Variants in FGF12 observed in about 807,000 individuals in gnomAD.
FGF12 encodes fibroblast growth factor 12B.
FGF12 carries 14 observed loss-of-function variants against 23.6 expected under a neutral mutation model. The ratio of observed to expected loss-of-function variants is 0.59; its 90% CI spans 0.39 to 0.93. The LOEUF (loss-of-function observed/expected upper bound fraction) is 0.93, where lower values mean the gene tolerates loss of function less well. Among genes scored for constraint, FGF12 ranks in the 40% least tolerant of loss-of-function variants. The pLI is 0.00. For missense variants in FGF12, 175 were observed against 217.8 expected (o/e 0.80, Z 1.24); for synonymous variants, 62 against 77.3 (o/e 0.80, Z 1.04).
At chr3:192,647,300 T>C (rs1372482352) in intron 2 of FGF12, among the ~76,000 whole-genome samples, 1 of 152,062 alleles carries the variant, frequency 6.6e-6, no homozygotes, top group Non-Finnish European at 1.5e-5. Context: ...AGGTTTTGGG[T>C]TCTATCTCAC....
chr3:192,485,980 T>C (rs1186313085), intron 2 of FGF12, among the ~76,000 whole-genome samples: 1 of 152,178 alleles, frequency 6.6e-6, no homozygotes, highest in East Asian at 1.9e-4. Context: ...TATACGTGCA[T>C]ATATAATACG....
chr3:192,373,286 A>ATTT (rs10662970), intron 2 of FGF12, among the ~76,000 whole-genome samples: 77 of 141,592 alleles, frequency 5.4e-4, no homozygotes, highest in South Asian at 1.4e-3. Context: ...GGAAGCAAAC[A>ATTT]TTTTTTTTTT....
intron 5 of FGF12, among the ~76,000 whole-genome samples, chr3:192,158,413 TTCTC>T (rs1385431512): frequency 5.7e-4 from 4 of 7,030 alleles, no homozygotes; most frequent in East Asian, 0.015. Flanking sequence ...TTTTCTTTCT[TTCTC>T]TTTCTTTTTC....
At chr3:192,236,709 T>C (rs561418998) in intron 4 of FGF12, among the ~76,000 whole-genome samples, 1 of 152,306 alleles carries the variant, frequency 6.6e-6, no homozygotes, top group Admixed American at 6.5e-5. Context: ...TTGATCTTTC[T>C]CCATCCCTTT....
intron 4 of FGF12, among the ~76,000 whole-genome samples, chr3:192,293,329 CG>C (rs1232908364): frequency 6.6e-6 from 1 of 152,104 alleles, no homozygotes; most frequent in African/African-American, 2.4e-5. Context: ...TGTTACAATT[CG>C]TTAACAGAAG....
At chr3:192,198,487 T>G (rs1477873404) in intron 4 of FGF12, among the ~76,000 whole-genome samples, 1 of 152,220 alleles carries the variant, frequency 6.6e-6, no homozygotes, top group Non-Finnish European at 1.5e-5. Flanking sequence ...AATGCTGCTT[T>G]ACCTTTCATG....
intron 4 of FGF12, among the ~76,000 whole-genome samples, chr3:192,257,490 C>T (rs1712474447): frequency 6.6e-6 from 1 of 152,098 alleles, no homozygotes; most frequent in Admixed American, 6.6e-5. Context: ...GAAACCCTTA[C>T]CCATCATTAT....
chr3:192,438,079 G>A (rs1722082182), intron 2 of FGF12, among the ~76,000 whole-genome samples: 1 of 152,058 alleles, frequency 6.6e-6, no homozygotes, highest in Non-Finnish European at 1.5e-5. Flanking sequence ...ATTGCCTTTT[G>A]TACATATTTT....
chr3:192,710,570 A>G (rs1288245270), intron 2 of FGF12, among the ~76,000 whole-genome samples: 23 of 152,250 alleles, frequency 1.5e-4, no homozygotes, highest in Admixed American at 6.5e-5. Context: ...GGATTGCACA[A>G]TCTTCAAAAG....
chr3:192,541,078 T>C (rs1369788060), intron 2 of FGF12, among the ~76,000 whole-genome samples: 2 of 152,178 alleles, frequency 1.3e-5, no homozygotes, highest in Non-Finnish European at 2.9e-5. Flanking sequence ...TAAATCCATT[T>C]AGCTACTCTA....
chr3:192,612,965 C>G (rs573420504), intron 2 of FGF12, among the ~76,000 whole-genome samples: 1 of 151,756 alleles, frequency 6.6e-6, no homozygotes, highest in African/African-American at 2.4e-5. Context: ...GATAAAAATA[C>G]TTTGGAACCA....
intron 2 of FGF12, among the ~76,000 whole-genome samples, chr3:192,666,446 T>C (rs1716876710): frequency 6.6e-6 from 1 of 152,198 alleles, no homozygotes; most frequent in Admixed American, 6.5e-5. Flanking sequence ...AGATGTAAGT[T>C]AAAACATAAA....
rs73889323 is a variant in FGF12, at chr3:192,406,579, A to T, written c.14-46041T>A. On this transcript the variant is annotated intron_variant, in intron 2 of 5. Transcript: ENST00000445105. Reference sequence around the variant, plus strand: ...TAAATCTTCACTTTATAAAATGAACATGCTATACTAATTGGACATAAAATA... The same window carrying T: ...TAAATCTTCACTTTATAAAATGAACTTGCTATACTAATTGGACATAAAATA... Among the ~76,000 whole-genome samples the T allele has an allele frequency of 5.2e-3, 785 of 152,298 alleles. 9 individuals are homozygous for T. The highest frequency in any genetic ancestry group is 0.018 in the African/African-American group (761 of 41,554).
At chr3:192,385,976 C>A (rs1021519485) in intron 2 of FGF12, among the ~76,000 whole-genome samples, 1 of 152,192 alleles carries the variant, frequency 6.6e-6, no homozygotes, top group African/African-American at 2.4e-5. Context: ...AGAATTAAAG[C>A]AATCATTAGT....
intron 2 of FGF12, among the ~76,000 whole-genome samples, chr3:192,635,995 C>A (rs923046201): frequency 6.6e-6 from 1 of 152,174 alleles, no homozygotes; most frequent in African/African-American, 2.4e-5. Context: ...TTCACAAATA[C>A]AACCAATTGA....
At chr3:192,709,861 T>A (rs1355100651) in intron 2 of FGF12, among the ~76,000 whole-genome samples, 1 of 152,210 alleles carries the variant, frequency 6.6e-6, no homozygotes, top group Non-Finnish European at 1.5e-5. Context: ...AACACTGGTG[T>A]CTGTCTTCCG....
chr3:192,659,564 G>C (rs1171800094), intron 2 of FGF12, among the ~76,000 whole-genome samples: 1 of 152,112 alleles, frequency 6.6e-6, no homozygotes, highest in East Asian at 1.9e-4. Context: ...AGCCATCTAG[G>C]ATGATTTTCT....
chr3:192,386,187 G>T (rs981523735), intron 2 of FGF12, among the ~76,000 whole-genome samples: 1 of 152,160 alleles, frequency 6.6e-6, no homozygotes, highest in African/African-American at 2.4e-5. Flanking sequence ...TAATTCCACA[G>T]TTCCACGCTG....
At chr3:192,411,041 C>G (rs1721183907) in intron 2 of FGF12, among the ~76,000 whole-genome samples, 1 of 152,112 alleles carries the variant, frequency 6.6e-6, no homozygotes, top group South Asian at 2.1e-4. Context: ...TGTATGATTT[C>G]CAAGCACAGA....
Sources: allele counts gnomAD v4.1 joint callset (sites outside exome capture counted in the v4.1 genomes callset), GRCh38; gene constraint gnomAD v4.1.1; transcripts MANE v1.5; gene names NCBI Gene and HGNC (gene_info 2026-07-23, HGNC 2026-07-21).